The following ZNF644 variants were observed in gnomAD, a reference collection of about 807,000 sequenced individuals.
ZNF644 encodes zinc finger protein 644.
ZNF644 carries 20 observed loss-of-function variants against 108.0 expected under a neutral mutation model. That is an observed-to-expected ratio of 0.19 (90% CI 0.13 to 0.27). The LOEUF is 0.27. Among genes scored for constraint, ZNF644 ranks in the 10% least tolerant of loss-of-function variants. The pLI is 1.00. For synonymous variants in ZNF644, 542 were observed against 539.1 expected, an observed-to-expected ratio of 1.01 and a Z score of -0.08; for missense variants, 1,338 against 1,548.9, an observed-to-expected ratio of 0.86 and a Z score of 2.29.
At chr1:90,930,980 A>C (rs912917820) in intron 4 of ZNF644, among the ~76,000 whole-genome samples, 12 of 152,164 alleles carry the variant, frequency 7.9e-5, no homozygotes, top group African/African-American at 2.9e-4. Context: ...GGTTGATAGA[A>C]TATGCTTTAC....
chr1:90,916,970 C>T lies in ZNF644; in HGVS notation c.3812G>A (p.Arg1271Gln). The T allele has an allele frequency of 1.6e-5, 26 of 1,614,124 alleles. No homozygotes were observed. Among genetic ancestry groups the T allele is most frequent in the Non-Finnish European group, 2.0e-5 (24 of 1,180,014 alleles). ...GTCTTCCTGAACAGACAAGGGTCCTCGAAAGACTAGGCCACAAAACCTACA... is the reference window on the plus strand; with the variant it reads ...GTCTTCCTGAACAGACAAGGGTCCTTGAAAGACTAGGCCACAAAACCTACA... ...LRCRFCGLVF[R>Q]GPLSVQEDWI... Residue 1271 changes from arginine (R) to glutamine (Q), a missense_variant, in exon 6 of 6, where the codon CGA (arginine) becomes CAA (glutamine). Arg to Gln is a conservative substitution (Grantham distance 43). This residue lies in a region of ZNF644 where 34 missense variants were observed against 78.6 expected (regional missense o/e 0.43). Coordinates refer to ENST00000337393, the MANE Select transcript of ZNF644 (RefSeq NM_201269.3).
chr1:90,999,395 CTT>C (rs1557648612), intron 1 of ZNF644, among the ~76,000 whole-genome samples: 16 of 152,260 alleles, frequency 1.1e-4, no homozygotes, highest in Admixed American at 2.0e-4. Context: ...ATTCAACATT[CTT>C]AACAAAAAGA....
rs116501196 is a variant in ZNF644 at position 90,999,509 on chromosome 1, C to T, written c.-17-17139G>A. Among the ~76,000 whole-genome samples, 458 of 152,172 alleles carry T rather than the reference C, an allele frequency of 3.0e-3. 3 individuals carry two copies. Among genetic ancestry groups the T allele is most frequent in the African/African-American group, 0.011 (447 of 41,516 alleles). On this transcript the variant is annotated intron_variant, in intron 1 of 5. Coordinates refer to ENST00000337393, the MANE Select transcript of ZNF644 (RefSeq NM_201269.3). ...GCAAATGCTGAGAGATTTGTCACCA[C>T]CAGGCCTGTCAACAGCTCCTGAAGG...
intron 5 of ZNF644, among the ~76,000 whole-genome samples, 160 bp downstream of exon 5, chr1:90,917,892 G>A (rs1485050946): frequency 6.6e-6 from 1 of 152,196 alleles, no homozygotes; most frequent in Non-Finnish European, 1.5e-5. Flanking sequence ...CGGATATTGT[G>A]AGCTGAATTA....
chr1:90,980,154 A>G (rs1193622108), intron 2 of ZNF644, among the ~76,000 whole-genome samples: 1 of 152,222 alleles, frequency 6.6e-6, no homozygotes, highest in African/African-American at 2.4e-5. Context: ...CACTGTGCTA[A>G]GATAAACGAG....
intron 2 of ZNF644, among the ~76,000 whole-genome samples, chr1:90,958,232 T>TAAAAAAAAAAAAACA (rs1653953596): frequency 2.4e-5 from 1 of 41,388 alleles, no homozygotes; most frequent in Admixed American, 2.8e-4. Context: ...GCAAAACTCC[T>TAAAAAAAAAAAAACA]AAAAAAAAAA....
Position 91,001,723 on chromosome 1 carries a change from T to C in ZNF644, c.-17-19353A>G, listed in dbSNP as rs9727581. On this transcript the variant is annotated intron_variant, in intron 1 of 5. Coordinates refer to ENST00000337393, the MANE Select transcript of ZNF644 (RefSeq NM_201269.3). ...GGAGAAAGAAATAAGGGGTATTCAGTTAGGAAAAGAAGAAGTCAAATTGTC... is the reference window on the plus strand; with the variant it reads ...GGAGAAAGAAATAAGGGGTATTCAGCTAGGAAAAGAAGAAGTCAAATTGTC... Among the ~76,000 whole-genome samples, 481 of 152,224 alleles carry C rather than the reference T, an allele frequency of 3.2e-3. 2 individuals are homozygous for C. The highest frequency in any genetic ancestry group is 0.011 in the African/African-American group (447 of 41,530).
intron 1 of ZNF644, among the ~76,000 whole-genome samples, chr1:90,992,316 A>C (rs1197822916): frequency 6.6e-6 from 1 of 152,158 alleles, no homozygotes; most frequent in Non-Finnish European, 1.5e-5. Context: ...AAAAATTCAC[A>C]GTATACAAAG....
At chr1:90,944,550 C>A (rs1221510071) in intron 2 of ZNF644, among the ~76,000 whole-genome samples, 1 of 149,812 alleles carries the variant, frequency 6.7e-6, no homozygotes, top group Non-Finnish European at 1.5e-5. Flanking sequence ...AAAGATGTTA[C>A]CTTCTGCATC....
At chr1:90,996,758 G>T (rs543771833) in intron 1 of ZNF644, among the ~76,000 whole-genome samples, 1 of 152,292 alleles carries the variant, frequency 6.6e-6, no homozygotes, top group Admixed American at 6.5e-5. Context: ...TCCAGCCTGA[G>T]CACAGAGCCA....
chr1:91,021,353 CAAGT>C (rs1660891043), intron 1 of ZNF644: 1 of 152,290 alleles, frequency 6.6e-6, no homozygotes. Context: ...GGTCCTGTCC[CAAGT>C]AAGGGGAGGG....
intron 1 of ZNF644, among the ~76,000 whole-genome samples, chr1:90,983,579 G>A (rs1656788802): frequency 6.6e-6 from 1 of 151,694 alleles, no homozygotes; most frequent in Non-Finnish European, 1.5e-5. Flanking sequence ...GTGGACCACA[G>A]TGCAATCACA....
In ZNF644 at chr1:91,006,073, T is replaced by C. The variant is rs889136457; in HGVS notation, c.-18+15917A>G. Among the ~76,000 whole-genome samples the C allele has an allele frequency of 1.6e-4, 24 of 152,154 alleles. 1 individual carries two copies. The highest frequency in any genetic ancestry group is 7.9e-4 in the Admixed American group (12 of 15,280). ...AAAGGAGTCATTACTACCAACCTTA[T>C]ATTAATAAAAAGGATTATAAAAGAA... is the stretch of plus-strand genomic sequence containing the variant. On this transcript the variant is annotated intron_variant, in intron 1 of 5. Transcript: ENST00000337393.
chr1:90,981,632 A>G (rs938414702), intron 2 of ZNF644, among the ~76,000 whole-genome samples: 1 of 152,084 alleles, frequency 6.6e-6, no homozygotes, highest in Non-Finnish European at 1.5e-5. Context: ...TAGTAAATGT[A>G]TCTTTTTAAA....
intron 1 of ZNF644, among the ~76,000 whole-genome samples, chr1:91,011,752 C>T (rs923913576): frequency 2.6e-5 from 4 of 151,922 alleles, no homozygotes; most frequent in African/African-American, 4.8e-5. Context: ...TAGATGCCTA[C>T]CTATAAAAAA....
chr1:90,961,505 C>T (rs1348144176), intron 2 of ZNF644, among the ~76,000 whole-genome samples: 1 of 152,072 alleles, frequency 6.6e-6, no homozygotes, highest in East Asian at 1.9e-4. Context: ...CACTGCCATT[C>T]TCTCACAAGT....
chr1:91,010,383 C>T (rs1659847685), intron 1 of ZNF644, among the ~76,000 whole-genome samples: 1 of 151,494 alleles, frequency 6.6e-6, no homozygotes, highest in Non-Finnish European at 1.5e-5. Flanking sequence ...GGATTGCAGG[C>T]ACCCACCATC....
In ZNF644 at chr1:90,948,386, A is replaced by G. The variant is rs540279680; in HGVS notation, c.45-7077T>C. Among the ~76,000 whole-genome samples the G allele has an allele frequency of 1.2e-4, 19 of 152,348 alleles. No homozygotes were observed. In the East Asian group the frequency reaches 3.7e-3, roughly 29 times the overall value. ...TAGTGGCATGACTGCAAATGCAAAC[A>G]TGGTGGCTTTAAAGGGACTCCTTAC... On this transcript the variant is annotated intron_variant, in intron 2 of 5. Transcript: ENST00000337393.
intron 1 of ZNF644, among the ~76,000 whole-genome samples, chr1:91,014,797 A>T (rs1294883863): frequency 6.6e-6 from 1 of 152,164 alleles, no homozygotes; most frequent in Non-Finnish European, 1.5e-5. Flanking sequence ...AAACTAGGAG[A>T]TGAAACTTAC....
Sources: allele counts gnomAD v4.1 joint callset (sites outside exome capture counted in the v4.1 genomes callset), GRCh38; gene constraint gnomAD v4.1.1; regional missense constraint gnomAD v4.1.1; transcripts MANE v1.5; gene names NCBI Gene and HGNC (gene_info 2026-07-23, HGNC 2026-07-21).